Variants in KCNT2 observed in about 807,000 individuals in gnomAD.
The protein encoded by KCNT2 is potassium channel subfamily T member 2.
Under a neutral mutation model 153.8 loss-of-function variants are expected in KCNT2, and 67 were observed. The ratio of observed to expected loss-of-function variants is 0.44; its 90% CI spans 0.36 to 0.53. KCNT2 has a LOEUF of 0.53. Among genes scored for constraint, KCNT2 ranks in the 20% least tolerant of loss-of-function variants. KCNT2 has a pLI of 0.00. For synonymous variants in KCNT2, 500 were observed against 458.8 expected (o/e 1.09, Z -1.15); for missense variants, 975 against 1,354.8 (o/e 0.72, Z 4.40).
At chr1:196,551,382 G>C (rs561988200) in intron 1 of KCNT2, among the ~76,000 whole-genome samples, 94 of 151,750 alleles carry the variant, frequency 6.2e-4, no homozygotes, top group Non-Finnish European at 1.2e-3. Context: ...TGGGGATTCT[G>C]AGGATGTTAA....
chr1:196,559,939 A>G (rs1033588217), intron 1 of KCNT2, among the ~76,000 whole-genome samples: 10 of 151,784 alleles, frequency 6.6e-5, no homozygotes, highest in Non-Finnish European at 1.5e-5. Flanking sequence ...TTTTTCTTAG[A>G]AAGACTGCTT....
chr1:196,316,376 A>G (rs1369779923), intron 20 of KCNT2, among the ~76,000 whole-genome samples: 1 of 151,790 alleles, frequency 6.6e-6, no homozygotes, highest in Non-Finnish European at 1.5e-5. Context: ...CAGTTAACAT[A>G]CTACTTCAAA....
chr1:196,427,445 A>T (rs573368387), intron 10 of KCNT2, among the ~76,000 whole-genome samples: 1 of 152,050 alleles, frequency 6.6e-6, no homozygotes, highest in Non-Finnish European at 1.5e-5. Flanking sequence ...TAAATACAAG[A>T]CCTTCAACAG....
chr1:196,457,710 T>G (rs1676798161), intron 8 of KCNT2, among the ~76,000 whole-genome samples: 2 of 151,982 alleles, frequency 1.3e-5, no homozygotes, highest in South Asian at 4.1e-4. Context: ...GGCCATTTAT[T>G]ATTGATCGTT....
chr1:196,472,400 G>A (rs1347188763), intron 5 of KCNT2, among the ~76,000 whole-genome samples: 1 of 152,112 alleles, frequency 6.6e-6, no homozygotes, highest in Non-Finnish European at 1.5e-5. Flanking sequence ...TTTTCTGGAG[G>A]AAAGGATTCA....
At chr1:196,509,468 C>T (rs1681431512) in intron 1 of KCNT2, among the ~76,000 whole-genome samples, 1 of 152,004 alleles carries the variant, frequency 6.6e-6, no homozygotes, top group Non-Finnish European at 1.5e-5. Flanking sequence ...ATAAAAGATG[C>T]AAGCCTAAGA....
At chr1:196,325,907 T>C (rs1461794901) in intron 19 of KCNT2, among the ~76,000 whole-genome samples, 1 of 152,142 alleles carries the variant, frequency 6.6e-6, no homozygotes, top group Non-Finnish European at 1.5e-5. Context: ...TGAAAAACTT[T>C]GATAATTTTG....
chr1:196,295,224 A>G (rs1180361646), intron 22 of KCNT2, among the ~76,000 whole-genome samples: 1 of 151,858 alleles, frequency 6.6e-6, no homozygotes, highest in African/African-American at 2.4e-5. Context: ...AATATAGAAT[A>G]AAAGAATAAA....
chr1:196,336,092 C>T lies in KCNT2; in HGVS notation c.1784-2032G>A, dbSNP rs184246717. ...TCTATACCTATGCAACTGAATACAC[C>T]CAGACAGTTTAGCTCTTGCATCATT... On this transcript the variant is annotated intron_variant, in intron 16 of 27. Transcript: ENST00000294725. Among the ~76,000 whole-genome samples the T allele has an allele frequency of 3.9e-5, 6 of 152,172 alleles. No individual in the cohort carries two copies. The East Asian group carries it at 1.2e-3, about 29-fold the overall frequency.
At chr1:196,540,911 A>G (rs1040413950) in intron 1 of KCNT2, among the ~76,000 whole-genome samples, 9 of 150,832 alleles carry the variant, frequency 6.0e-5, no homozygotes, top group Admixed American at 5.3e-4. Context: ...CTAAAAATAC[A>G]AAAAATTAGC....
rs567745931 is a variant in KCNT2, at chr1:196,369,568, A to G, written c.1403+3572T>C. On this transcript the variant is annotated intron_variant, in intron 14 of 27. Transcript: ENST00000294725. ...TCAATTCCCACCTATGAGTGAGAAT[A>G]TGTGGTGTTTGGTTTTTTGTTCCTG... Among the ~76,000 whole-genome samples the G allele has an allele frequency of 3.3e-5, 5 of 150,894 alleles. No homozygotes were observed. The South Asian group carries it at 1.0e-3, about 32-fold the overall frequency.
Position 196,593,311 on chromosome 1 carries a change from T to TATAC in KCNT2, c.95+14903_95+14904insGTAT, listed in dbSNP as rs1256165838. 2.0e-3 allele frequency among the ~76,000 whole-genome samples: 284 copies of TATAC among 140,200 alleles called. 1 individual carries two copies. The highest frequency in any genetic ancestry group is 5.7e-3 in the African/African-American group (202 of 35,736). The allele number at this position is 140,200 out of a possible 152,430, so 92.0% of individuals were successfully genotyped here. On this transcript the variant is annotated intron_variant, in intron 1 of 27. Coordinates refer to ENST00000294725, the MANE Select transcript of KCNT2 (RefSeq NM_198503.5). ...CATATATATAATATATATATATATATACACACACACACACACACACACACA... is the reference window on the plus strand; with the variant it reads ...CATATATATAATATATATATATATATATACACACACACACACACACACACACACA...
intron 26 of KCNT2, among the ~76,000 whole-genome samples, chr1:196,251,735 A>T (rs574820649): frequency 2.6e-5 from 4 of 152,102 alleles, no homozygotes; most frequent in African/African-American, 7.2e-5. Context: ...GCATTTAAAA[A>T]TAACTAAAAG....
chr1:196,574,322 T>A (rs1336237358), intron 1 of KCNT2, among the ~76,000 whole-genome samples: 1 of 151,774 alleles, frequency 6.6e-6, no homozygotes, highest in Non-Finnish European at 1.5e-5. Flanking sequence ...TAAAGTGTTT[T>A]ACTAATCATT....
chr1:196,360,925 T>C (rs557268515), intron 14 of KCNT2, among the ~76,000 whole-genome samples: 177 of 152,152 alleles, frequency 1.2e-3, no homozygotes, highest in Non-Finnish European at 1.2e-3. Flanking sequence ...TGGGAGAGTT[T>C]TAGAAGAGCA....
intron 8 of KCNT2, among the ~76,000 whole-genome samples, chr1:196,458,642 A>T (rs1557961887): frequency 6.6e-6 from 1 of 151,900 alleles, no homozygotes; most frequent in Non-Finnish European, 1.5e-5. Flanking sequence ...TAAAATGTTA[A>T]CTATACATTT....
chr1:196,346,643 A>G (rs1487946815), intron 14 of KCNT2, among the ~76,000 whole-genome samples: 4 of 152,150 alleles, frequency 2.6e-5, no homozygotes, highest in Admixed American at 2.0e-4. Context: ...ATTTTATCAT[A>G]TAAAATCAGC....
chr1:196,258,601 G>A (rs1656726217), intron 25 of KCNT2, 107 bp from the exon 26 acceptor site: 1 of 928,052 alleles, frequency 1.1e-6, no homozygotes, highest in East Asian at 2.6e-5. Flanking sequence ...CTACTCAGGA[G>A]AGTTTTCACA....
At chr1:196,296,626 A>T (rs1247870844) in intron 22 of KCNT2, among the ~76,000 whole-genome samples, 2 of 152,122 alleles carry the variant, frequency 1.3e-5, no homozygotes, top group Non-Finnish European at 2.9e-5. Context: ...CTCTCAAGTA[A>T]TTCCTCTACA....
Sources: gnomAD v4.1 joint callset for allele counts (sites outside exome capture counted in the v4.1 genomes callset) on GRCh38, gnomAD v4.1.1 for gene constraint, MANE v1.5 for transcripts, NCBI Gene and HGNC (gene_info 2026-07-23, HGNC 2026-07-21) for gene names.